The following QTMAN variants were observed in gnomAD, a reference collection of about 807,000 sequenced individuals.
The protein encoded by QTMAN is tRNA-queuosine alpha-mannosyltransferase.
chr2:144,111,695 ATC>A, the QTMAN span, among the ~76,000 whole-genome samples: 1 of 152,022 alleles, frequency 6.6e-6, no homozygotes, highest in African/African-American at 2.4e-5. Flanking sequence ...TTATCTTTAA[ATC>A]TCTTTCTTGC....
the QTMAN span, among the ~76,000 whole-genome samples, chr2:144,251,635 A>T: frequency 6.6e-6 from 1 of 152,172 alleles, no homozygotes; most frequent in Non-Finnish European, 1.5e-5. Flanking sequence ...ACTAGAAGAG[A>T]AATAAAAGAA....
the QTMAN span, among the ~76,000 whole-genome samples, chr2:144,132,792 A>G: frequency 1.3e-5 from 2 of 151,892 alleles, no homozygotes; most frequent in Admixed American, 6.6e-5. Context: ...CGATCAATAG[A>G]TAACAAAAAT....
the QTMAN span, among the ~76,000 whole-genome samples, chr2:144,100,598 C>T: frequency 6.6e-6 from 1 of 152,150 alleles, no homozygotes; most frequent in Non-Finnish European, 1.5e-5. Flanking sequence ...CTCTAAAATA[C>T]ACATTTTAGA....
chr2:143,944,724 G>T, the QTMAN span: 1 of 152,232 alleles, frequency 6.6e-6, no homozygotes, highest in Non-Finnish European at 1.5e-5. Context: ...GATTACAGGC[G>T]TGCGCCACCG....
chr2:144,206,405 C>T, the QTMAN span, among the ~76,000 whole-genome samples: 1 of 152,178 alleles, frequency 6.6e-6, no homozygotes, highest in Non-Finnish European at 1.5e-5. Context: ...TGAATGCACG[C>T]ATTTGTAAAC....
chr2:144,288,159 G>A, the QTMAN span, among the ~76,000 whole-genome samples: 3 of 152,012 alleles, frequency 2.0e-5, no homozygotes, highest in Non-Finnish European at 4.4e-5. Context: ...GTGAGCCACC[G>A]AGTCCAGCAG....
chr2:144,236,907 G>A, the QTMAN span, among the ~76,000 whole-genome samples: 1 of 151,864 alleles, frequency 6.6e-6, no homozygotes, highest in Admixed American at 6.6e-5. Context: ...TGGGGTATAA[G>A]AAAAAGGCTG....
the QTMAN span, among the ~76,000 whole-genome samples, chr2:144,111,049 C>T: frequency 6.6e-6 from 1 of 152,148 alleles, no homozygotes; most frequent in African/African-American, 2.4e-5. Context: ...CAAAGAAAAT[C>T]AGCCAAGAGC....
At chr2:144,158,320 C>T in the QTMAN span, among the ~76,000 whole-genome samples, 1 of 151,856 alleles carries the variant, frequency 6.6e-6, no homozygotes, top group Non-Finnish European at 1.5e-5. Context: ...ATGGAAGAGA[C>T]CAAAATGTGT....
At chr2:144,144,573 T>A in the QTMAN span, among the ~76,000 whole-genome samples, 1 of 151,994 alleles carries the variant, frequency 6.6e-6, no homozygotes, top group Admixed American at 6.6e-5. Flanking sequence ...AATTTTATTA[T>A]GAAATTTTAA....
At chr2:144,211,879 A>C in the QTMAN span, among the ~76,000 whole-genome samples, 1 of 152,234 alleles carries the variant, frequency 6.6e-6, no homozygotes, top group Non-Finnish European at 1.5e-5. Flanking sequence ...GATACTACAG[A>C]TGTTCAGAAG....
the QTMAN span, among the ~76,000 whole-genome samples, chr2:144,264,707 A>G: frequency 1.3e-5 from 2 of 152,334 alleles, no homozygotes; most frequent in Admixed American, 1.3e-4. Flanking sequence ...CTACCATGAG[A>G]GGGAAAGTGG....
the QTMAN span, among the ~76,000 whole-genome samples, chr2:144,188,953 G>A: frequency 2.0e-5 from 3 of 152,040 alleles, no homozygotes; most frequent in African/African-American, 7.2e-5. Context: ...AGCAAAACAA[G>A]AGGAAAGGAA....
chr2:144,062,325 G>T, the QTMAN span, among the ~76,000 whole-genome samples: 1 of 152,184 alleles, frequency 6.6e-6, no homozygotes, highest in African/African-American at 2.4e-5. Flanking sequence ...TACCCACAAA[G>T]AGGTCCAGGG....
the QTMAN span, among the ~76,000 whole-genome samples, chr2:144,072,900 T>C: frequency 5.9e-4 from 90 of 152,304 alleles, no homozygotes; most frequent in Middle Eastern, 0.014. Flanking sequence ...TCTTGACTCC[T>C]AAGGAGCTTA....
chr2:144,027,794 T>C, the QTMAN span, among the ~76,000 whole-genome samples: 1 of 152,194 alleles, frequency 6.6e-6, no homozygotes, highest in Non-Finnish European at 1.5e-5. Context: ...TGCACAAGAA[T>C]GCTCTAAGTG....
the QTMAN span, among the ~76,000 whole-genome samples, chr2:144,133,128 T>C: frequency 2.2e-5 from 1 of 44,904 alleles, no homozygotes; most frequent in Non-Finnish European, 3.9e-5. Flanking sequence ...TATATATATA[T>C]ATATATATAT....
At chr2:144,172,621 CAAAAAAAAAAAAAA>C in the QTMAN span, among the ~76,000 whole-genome samples, 2 of 51,360 alleles carry the variant, frequency 3.9e-5, no homozygotes, top group African/African-American at 1.2e-4. Flanking sequence ...AAGACTCTGT[CAAAAAAAAAAAAAA>C]AAAAAAAAAG....
the QTMAN span, among the ~76,000 whole-genome samples, chr2:144,128,537 C>A: frequency 2.6e-5 from 4 of 151,978 alleles, no homozygotes; most frequent in African/African-American, 9.7e-5. Context: ...GTTGACTAAT[C>A]CTATTCTACT....
Sources: gnomAD v4.1 joint callset for allele counts (sites outside exome capture counted in the v4.1 genomes callset) on GRCh38, gnomAD v4.1.1 for gene constraint, MANE v1.5 for transcripts, NCBI Gene and HGNC (gene_info 2026-07-23, HGNC 2026-07-21) for gene names.